Variants in ABCA8 observed in about 807,000 individuals in gnomAD.
ABCA8 encodes the protein ABC-type organic anion transporter ABCA8.
Under a neutral mutation model 192.3 loss-of-function variants are expected in ABCA8, and 177 were observed. That is an observed-to-expected ratio of 0.92 (90% CI 0.81 to 1.04). The LOEUF (loss-of-function observed/expected upper bound fraction) is 1.04. Ranked by LOEUF, ABCA8 falls within the 50% of genes least tolerant of loss-of-function variation. ABCA8 has a pLI of 0.00. For missense variants in ABCA8, 1,915 were observed against 1,904.8 expected (o/e 1.01, Z -0.10); for synonymous variants, 642 against 690.2 (o/e 0.93, Z 1.09).
chr17:68,895,900 C>T (rs1487284083), intron 21 of ABCA8, among the ~76,000 whole-genome samples: 1 of 152,148 alleles, frequency 6.6e-6, no homozygotes, highest in Non-Finnish European at 1.5e-5. Flanking sequence ...ACACAATCAT[C>T]CTTGTCCCAT....
At chr17:68,938,636 T>C (rs2068140748) in intron 4 of ABCA8, among the ~76,000 whole-genome samples, 1 of 152,180 alleles carries the variant, frequency 6.6e-6, no homozygotes, top group Non-Finnish European at 1.5e-5. Flanking sequence ...TCATGGTTTT[T>C]AGAATACTCA....
At chr17:68,947,649 TC>T (rs1224041360) in intron 2 of ABCA8, among the ~76,000 whole-genome samples, 1 of 152,224 alleles carries the variant, frequency 6.6e-6, no homozygotes, top group East Asian at 1.9e-4. Context: ...ACTGGTCTAT[TC>T]AAGTTGTCTG....
chr17:68,905,958 A>G (rs1345519241), intron 19 of ABCA8, 86 bp downstream of exon 19: 3 of 1,272,882 alleles, frequency 2.4e-6, no homozygotes, highest in Non-Finnish European at 3.2e-6. Context: ...TTAATCATGA[A>G]CCCCACATTT....
Position 68,926,914 on chromosome 17 carries a change from G to A in ABCA8, c.1273+1002C>T, listed in dbSNP as rs967442806. ...TGGCATTCTGTCTTGAATAGGAAAC[G>A]CAGAAGGGAGAATCAGGGCCTGCCT... On this transcript the variant is annotated intron_variant, in intron 10 of 39. Coordinates refer to ENST00000586539, the MANE Select transcript of ABCA8 (RefSeq NM_001288985.2). 5.3e-5 allele frequency among the ~76,000 whole-genome samples: 8 copies of A among 152,104 alleles called. 1 individual carries two copies. Among genetic ancestry groups the A allele is most frequent in the Non-Finnish European group, 1.0e-4 (7 of 68,018 alleles).
At chr17:68,884,747 C>A in intron 27 of ABCA8, 3 of 1,058,480 alleles carry the variant, frequency 2.8e-6, no homozygotes, top group Non-Finnish European at 3.4e-6. Context: ...CTTCCTTTCC[C>A]CTTCCCATAG....
At position 68,903,328 on chromosome 17, in the gene ABCA8, T is replaced by C; in HGVS notation, c.2570A>G (p.Lys857Arg). ...AIARVRLLKLKHERKALLALL... is the reference protein window; with the variant it reads ...AIARVRLLKLRHERKALLALL... ...TGCTAAAAGAGCTTTTCTTTCATGC[T>C]TTAACTTTAACAAGCGAACCCTTGC... The change falls in exon 20 of 40, where the codon AAG (lysine) becomes AGG (arginine). Residue 857 changes from lysine (K) to arginine (R), a missense_variant. Coordinates refer to ENST00000586539, the MANE Select transcript of ABCA8 (RefSeq NM_001288985.2). The C allele has an allele frequency of 6.2e-7, 1 of 1,614,140 alleles. No individual in the cohort carries two copies.
intron 19 of ABCA8, among the ~76,000 whole-genome samples, chr17:68,904,814 A>T (rs28441249): frequency 0.014 from 2,187 of 152,292 alleles, 51 homozygotes; most frequent in African/African-American, 0.048. Context: ...ATCAGGGTTC[A>T]TGGGTCTTTC....
chr17:68,907,684 A>T, intron 18 of ABCA8, 56 bp downstream of exon 18: 1 of 1,408,020 alleles, frequency 7.1e-7, no homozygotes, highest in Non-Finnish European at 9.5e-7. Flanking sequence ...GATAATAATT[A>T]TGATGATGAT....
chr17:68,932,453 A>C lies in ABCA8; in HGVS notation c.632T>G (p.Met211Arg). The C allele has an allele frequency of 6.2e-7, 1 of 1,614,020 alleles. No homozygotes were observed. Among genetic ancestry groups the C allele is most frequent in the Non-Finnish European group, 8.5e-7 (1 of 1,179,872 alleles). ...TCCTGATTGACCAATGAAGGAATGC[A>C]TCTTCATATTTTTTCCAGTAACTGA... ...LMSVTGKNMK[M>R]HSFIGQSGVI... The change falls in exon 7 of 40, where the codon ATG (methionine) becomes AGG (arginine). Residue 211 changes from methionine to arginine, a missense_variant. Transcript: ENST00000586539.
rs1323083557 is a variant in ABCA8 at position 68,876,640 on chromosome 17, TC to T, written c.4262del (p.Gly1421GlufsTer2). 3 of 1,614,180 alleles carry T rather than the reference TC, an allele frequency of 1.9e-6. No individual in the cohort carries two copies. In the South Asian group the frequency reaches 3.3e-5, roughly 18 times the overall value. On this transcript the variant is annotated frameshift_variant, in exon 34 of 40. Coordinates refer to ENST00000586539, the MANE Select transcript of ABCA8 (RefSeq NM_001288985.2). LOFTEE classifies it high-confidence loss of function. ...GCCCTGCCCGTACCTTTCTCTTTAT[TC>T]CCTCTGACAAGGTCTTCACGGGAGA... is the stretch of plus-strand genomic sequence containing the variant. Reference protein sequence around the residue: ...LKSPVKTLSEGIKRKLCFVLS... With the variant: ...LKSPVKTLSEXIKRKLCFVLS...
In ABCA8 at chr17:68,903,152, T is replaced by A. The variant is rs1216379047; in HGVS notation, c.2597+149A>T. ...GTCCTTTGGATGTCAAGATTCTGCCTCTCTCCTGTGCTTCTTCCACTGTGA... is the reference window on the plus strand; with the variant it reads ...GTCCTTTGGATGTCAAGATTCTGCCACTCTCCTGTGCTTCTTCCACTGTGA... On this transcript the variant is annotated intron_variant, in intron 20 of 39. Transcript: ENST00000586539. 9 of 876,566 alleles carry A rather than the reference T, an allele frequency of 1.0e-5. 1 individual carries two copies. Among genetic ancestry groups the A allele is most frequent in the Non-Finnish European group, 1.5e-5 (9 of 582,764 alleles). The allele number at this position is 876,566 out of a possible 1,614,324, so 54.3% of individuals were successfully genotyped here.
At chr17:68,934,202 T>C (rs1380523859) in intron 5 of ABCA8, among the ~76,000 whole-genome samples, 1 of 152,182 alleles carries the variant, frequency 6.6e-6, no homozygotes, top group Non-Finnish European at 1.5e-5. Context: ...TCTTCTTTTT[T>C]ATGGTTATGG....
chr17:68,905,939 A>G (rs1460568539), intron 19 of ABCA8, 105 bp downstream of exon 19: 1 of 1,083,364 alleles, frequency 9.2e-7, no homozygotes. Context: ...AGCTTGTCTA[A>G]GAAGAGCCTT....
chr17:68,939,805 T>G (rs2143755242), intron 4 of ABCA8, among the ~76,000 whole-genome samples: 1 of 152,282 alleles, frequency 6.6e-6, no homozygotes, highest in East Asian at 1.9e-4. Context: ...ATGAAAAATA[T>G]AGTATTATTT....
At chr17:68,920,677 T>G in intron 13 of ABCA8, among the ~76,000 whole-genome samples, 1 of 152,202 alleles carries the variant, frequency 6.6e-6, no homozygotes, top group South Asian at 2.1e-4. Flanking sequence ...TCAATTGACT[T>G]TGAAAATAAA....
rs779876120 is a variant in ABCA8 at position 68,876,490 on chromosome 17, C to T, written c.4340G>A (p.Gly1447Glu). ...SVVLLDEPSTGMDPEGQQQMW... is the reference protein window; with the variant it reads ...SVVLLDEPSTEMDPEGQQQMW... ...TTGCTGCTGCCCCTCGGGGTCCATC[C>T]CGGTCGACGGCTCATCCAGAAGCAC... is the stretch of plus-strand genomic sequence containing the variant. Residue 1447 changes from glycine (G) to glutamate (E), a missense_variant, in exon 35 of 40, where the codon GGG (glycine) becomes GAG (glutamate). Gly to Glu is a moderately conservative substitution (Grantham distance 98). Transcript: ENST00000586539. The T allele has an allele frequency of 1.2e-6, 2 of 1,614,018 alleles. No individual in the cohort carries two copies.
chr17:68,940,666 C>A, intron 4 of ABCA8, 92 bp downstream of exon 4: 3 of 1,213,932 alleles, frequency 2.5e-6, no homozygotes, highest in Non-Finnish European at 3.5e-6. Context: ...GTTTAATTAT[C>A]AAACTGAAAT....
At chr17:68,893,612 C>CTTCCTTCCTTCCTTCATTCT (rs71144632) in intron 23 of ABCA8, among the ~76,000 whole-genome samples, 6,836 of 145,724 alleles carry the variant, frequency 0.047, 225 homozygotes, top group Non-Finnish European at 0.073. Context: ...TCGTTCATTC[C>CTTCCTTCCTTCCTTCATTCT]TTCCTTCCTT....
intron 4 of ABCA8, among the ~76,000 whole-genome samples, chr17:68,938,189 C>CA (rs1384530574): frequency 6.6e-6 from 1 of 152,000 alleles, no homozygotes; most frequent in East Asian, 1.9e-4. Context: ...ACAATATAGG[C>CA]ATTAAAATGT....
Sources: allele counts gnomAD v4.1 joint callset (sites outside exome capture counted in the v4.1 genomes callset), GRCh38; gene constraint gnomAD v4.1.1; transcripts MANE v1.5; gene names NCBI Gene and HGNC (gene_info 2026-07-23, HGNC 2026-07-21).